Variants in PGGT1B observed in about 807,000 individuals in gnomAD.
The protein encoded by PGGT1B is geranylgeranyl transferase type-1 subunit beta.
Under a neutral mutation model 46.1 loss-of-function variants are expected in PGGT1B, and 30 were observed. The ratio of observed to expected loss-of-function variants is 0.65; its 90% CI spans 0.49 to 0.88. PGGT1B has a LOEUF of 0.88. Among genes scored for constraint, PGGT1B ranks in the 40% least tolerant of loss-of-function variants. The pLI, the probability that PGGT1B is intolerant of heterozygous loss-of-function variation, is 0.00. For synonymous variants in PGGT1B, 170 were observed against 160.0 expected, an observed-to-expected ratio of 1.06 and a Z score of -0.47; for missense variants, 376 against 455.9, an observed-to-expected ratio of 0.82 and a Z score of 1.60.
intron 7 of PGGT1B, among the ~76,000 whole-genome samples, chr5:115,217,850 A>G (rs1756468295): frequency 6.6e-6 from 1 of 152,012 alleles, no homozygotes; most frequent in Non-Finnish European, 1.5e-5. Context: ...AATATTTTCC[A>G]TCAGTGGCAC....
At chr5:115,245,554 T>C (rs1747796615) in intron 2 of PGGT1B, among the ~76,000 whole-genome samples, 1 of 152,206 alleles carries the variant, frequency 6.6e-6, no homozygotes, top group Admixed American at 6.5e-5. Flanking sequence ...AGGCTTCTTG[T>C]AAAGGTTAAA....
intron 2 of PGGT1B, among the ~76,000 whole-genome samples, chr5:115,242,614 TA>T (rs997271947): frequency 1.3e-4 from 20 of 152,194 alleles, no homozygotes; most frequent in African/African-American, 4.8e-4. Flanking sequence ...TAGGAACCAC[TA>T]AATTTAAACT....
intron 6 of PGGT1B, among the ~76,000 whole-genome samples, chr5:115,225,799 C>A (rs1756761928): frequency 6.6e-6 from 1 of 151,778 alleles, no homozygotes; most frequent in Non-Finnish European, 1.5e-5. Context: ...GTGTGTGCCA[C>A]CACATTTGGC....
chr5:115,247,469 A>C (rs979413794), intron 2 of PGGT1B, among the ~76,000 whole-genome samples: 6 of 152,180 alleles, frequency 3.9e-5, no homozygotes, highest in African/African-American at 1.4e-4. Context: ...CCTCATTTTA[A>C]AAGTTTTTGC....
At chr5:115,243,889 G>A (rs938242419) in intron 2 of PGGT1B, among the ~76,000 whole-genome samples, 8 of 151,902 alleles carry the variant, frequency 5.3e-5, no homozygotes, top group Admixed American at 3.3e-4. Context: ...GAGTGGCAAC[G>A]GCACTCAAAT....
intron 2 of PGGT1B, among the ~76,000 whole-genome samples, chr5:115,246,828 T>A (rs1747869214): frequency 6.6e-6 from 1 of 152,134 alleles, no homozygotes; most frequent in Non-Finnish European, 1.5e-5. Flanking sequence ...AACTATAGAG[T>A]CAAACTTGTT....
intron 2 of PGGT1B, among the ~76,000 whole-genome samples, chr5:115,243,741 C>T (rs1163028564): frequency 1.3e-5 from 2 of 152,134 alleles, no homozygotes; most frequent in Non-Finnish European, 2.9e-5. Flanking sequence ...CAATCTGCCT[C>T]CAAGCTCATT....
rs1756059149 is a variant in PGGT1B at position 115,206,212 on chromosome 5, T to G, written c.*6190A>C. 2 of 151,964 alleles carry G rather than the reference T, an allele frequency of 1.3e-5. No individual in the cohort carries two copies. The highest frequency in any genetic ancestry group is 4.1e-4 in the South Asian group (2 of 4,826). The allele number at this position is 151,964 out of a possible 1,614,324, so 9.4% of individuals were successfully genotyped here. A position where few individuals can be genotyped will look rare whatever the true frequency, so the allele number is the denominator to read the frequency against. On this transcript the variant is annotated 3_prime_UTR_variant, in exon 9 of 9. Coordinates refer to ENST00000419445, the MANE Select transcript of PGGT1B (RefSeq NM_005023.4). ...ATATTTAAAGAATATTCTCTATTTC[T>G]ATATCTCTATATACAGAGATTAAAG...
chr5:115,236,899 G>T (rs1030541088), intron 4 of PGGT1B, among the ~76,000 whole-genome samples: 1 of 152,110 alleles, frequency 6.6e-6, no homozygotes, highest in Non-Finnish European at 1.5e-5. Context: ...CTGGGTATAC[G>T]AAATTTCCAA....
At chr5:115,216,161 A>C (rs1159437176) in intron 8 of PGGT1B, among the ~76,000 whole-genome samples, 2 of 151,988 alleles carry the variant, frequency 1.3e-5, no homozygotes, top group Non-Finnish European at 2.9e-5. Flanking sequence ...TTTTTGAGAC[A>C]AAGAGTCTCG....
rs1307976700 is a variant in PGGT1B, at chr5:115,211,393, T to C, written c.*1009A>G. On this transcript the variant is annotated 3_prime_UTR_variant, in exon 9 of 9. Coordinates refer to ENST00000419445, the MANE Select transcript of PGGT1B (RefSeq NM_005023.4). ...ATATGAGAATAAAAATGACCATGTA[T>C]TGAGTTACACCACTGAATCTGTTTG... 2 of 152,018 alleles carry C rather than the reference T, an allele frequency of 1.3e-5. No homozygotes were observed. Among genetic ancestry groups the C allele is most frequent in the African/African-American group, 2.4e-5 (1 of 41,432 alleles). 9.4% of individuals were successfully genotyped at this position (152,018 alleles called of 1,614,324 possible).
chr5:115,243,092 T>C (rs1485318267), intron 2 of PGGT1B, among the ~76,000 whole-genome samples: 2 of 152,264 alleles, frequency 1.3e-5, no homozygotes, highest in Admixed American at 6.5e-5. Flanking sequence ...AAAACACTCA[T>C]ATCCTTTTGA....
rs568004249 is a variant in PGGT1B, at chr5:115,255,660, G to T, written c.141-2405C>A. ...CAATGGATAAAACAAAGATCTTCCT[G>T]TCAGTAAAAGCTATGTAGTAAGAGA... On this transcript the variant is annotated intron_variant, in intron 1 of 8. Coordinates refer to ENST00000419445, the MANE Select transcript of PGGT1B (RefSeq NM_005023.4). Among the ~76,000 whole-genome samples the T allele has an allele frequency of 9.8e-4, 149 of 152,230 alleles. 2 individuals are homozygous for T. The highest frequency in any genetic ancestry group is 1.9e-3 in the Non-Finnish European group (130 of 68,008).
In PGGT1B at chr5:115,221,973, G is replaced by C. The variant is rs1256374706; in HGVS notation, c.694C>G (p.Leu232Val). Reference protein sequence around the residue: ...STFCGIASLCLMGKLEEVFSE... With the variant: ...STFCGIASLCVMGKLEEVFSE... The stretch of plus-strand genomic sequence containing the variant: ...AAAACTTCTTCTAGTTTACCCATCA[G>C]ACATAGTGAGGCAATGCCACAAAAA... Residue 232 changes from leucine to valine, a missense_variant, in exon 7 of 9, where the codon CTG (leucine) becomes GTG (valine). This residue lies in a region of PGGT1B where 222 missense variants were observed against 313.6 expected (regional missense o/e 0.71). Coordinates refer to ENST00000419445, the MANE Select transcript of PGGT1B (RefSeq NM_005023.4). 6.3e-7 allele frequency: 1 copy of C among 1,592,346 alleles called. No homozygotes were observed. The highest frequency in any genetic ancestry group is 1.2e-5 in the South Asian group (1 of 86,756).
Position 115,206,713 on chromosome 5 carries a change from G to A in PGGT1B, c.*5689C>T, listed in dbSNP as rs766958773. On this transcript the variant is annotated 3_prime_UTR_variant, in exon 9 of 9. Transcript: ENST00000419445. ...ATGTGGCTGTGAGATCCTTGAAAAT[G>A]TATCATTGCCTATTTGCATGTTTCT... The A allele has an allele frequency of 5.3e-5, 8 of 151,994 alleles. No individual in the cohort carries two copies. Among genetic ancestry groups the A allele is most frequent in the Admixed American group, 2.6e-4 (4 of 15,236 alleles). The allele number at this position is 151,994 out of a possible 1,614,324, so 9.4% of individuals were successfully genotyped here.
intron 6 of PGGT1B, 103 bp from the exon 7 acceptor site, chr5:115,222,111 T>C (rs879315378): frequency 7.0e-6 from 4 of 567,738 alleles, no homozygotes; most frequent in Non-Finnish European, 1.1e-5. Flanking sequence ...TTCTAGAAAA[T>C]AGTGAAATAA....
At position 115,209,548 on chromosome 5, in the gene PGGT1B, C is replaced by A. The variant is rs1410367813; in HGVS notation, c.*2854G>T. On this transcript the variant is annotated 3_prime_UTR_variant, in exon 9 of 9. Transcript: ENST00000419445. ...ACTATGTGGTTCAGTGGTTTGTCCTCACTTAGTTGTATTTTGAAGTTCATA... is the reference window on the plus strand; with the variant it reads ...ACTATGTGGTTCAGTGGTTTGTCCTAACTTAGTTGTATTTTGAAGTTCATA... 1 of 152,006 alleles carries A rather than the reference C, an allele frequency of 6.6e-6. No individual in the cohort carries two copies. The allele number at this position is 152,006 out of a possible 1,614,324, so 9.4% of individuals were successfully genotyped here. A position where few individuals can be genotyped will look rare whatever the true frequency, so the allele number is the denominator to read the frequency against.
chr5:115,212,442 T>C lies in PGGT1B; in HGVS notation c.1094A>G (p.Asp365Gly). The part of the protein sequence containing the change: ...LDLHQSWKTK[D>G]SKQCSENVHI... The stretch of plus-strand genomic sequence containing the variant: ...TACATTCTCTGAGCATTGTTTAGAG[T>C]CCTTGGTTTTCCAGCTTTGATGGAG... Residue 365 changes from aspartate to glycine, a missense_variant, in exon 9 of 9, where the codon GAC becomes GGC. Coordinates refer to ENST00000419445, the MANE Select transcript of PGGT1B (RefSeq NM_005023.4). The C allele has an allele frequency of 1.2e-6, 2 of 1,608,270 alleles. No individual in the cohort carries two copies. Among genetic ancestry groups the C allele is most frequent in the South Asian group, 1.1e-5 (1 of 90,988 alleles).
At chr5:115,259,857 T>A (rs1436167078) in intron 1 of PGGT1B, among the ~76,000 whole-genome samples, 1 of 152,102 alleles carries the variant, frequency 6.6e-6, no homozygotes, top group Admixed American at 6.5e-5. Context: ...AAAAGCTAAC[T>A]GCCTAAACCC....
Sources: gnomAD v4.1 joint callset for allele counts (sites outside exome capture counted in the v4.1 genomes callset) on GRCh38, gnomAD v4.1.1 for gene constraint, gnomAD v4.1.1 regional missense constraint, MANE v1.5 for transcripts, NCBI Gene and HGNC (gene_info 2026-07-23, HGNC 2026-07-21) for gene names.